The following PCDHA3 variants were observed in gnomAD, a reference collection of about 807,000 sequenced individuals.
PCDHA3 encodes protocadherin alpha 3.
Under a neutral mutation model 62.2 loss-of-function variants are expected in PCDHA3, and 41 were observed. That is an observed-to-expected ratio of 0.66 (90% CI 0.51 to 0.86). The LOEUF (loss-of-function observed/expected upper bound fraction) is 0.86. Among genes scored for constraint, PCDHA3 ranks in the 40% least tolerant of loss-of-function variants. PCDHA3 has a pLI of 0.00. For synonymous variants in PCDHA3, 640 were observed against 555.4 expected (o/e 1.15, Z -2.14); for missense variants, 1,304 against 1,241.2 (o/e 1.05, Z -0.76).
intron 1 of PCDHA3, chr5:140,853,156 G>A (rs2150528996): frequency 1.1e-6 from 1 of 904,258 alleles, no homozygotes; most frequent in South Asian, 5.0e-5. Context: ...TGGGATTACA[G>A]GCGTGAGCCA....
At chr5:140,914,016 G>A (rs1344982730) in intron 1 of PCDHA3, among the ~76,000 whole-genome samples, 2 of 152,140 alleles carry the variant, frequency 1.3e-5, no homozygotes, top group Non-Finnish European at 2.9e-5. Flanking sequence ...CTTTGAGAAT[G>A]ATCCACGTGC....
rs2150161995 is a variant in PCDHA3 at position 140,829,027 on chromosome 5, A to G, written c.2394+25436A>G. ...TTCGGGGTAATTTGGATTTTGAACA[A>G]GAAAACTTATACAAAATCCTCATTG... On this transcript the variant is annotated intron_variant, in intron 1 of 3. Transcript: ENST00000522353. The G allele has an allele frequency of 2.5e-6, 4 of 1,613,610 alleles. No homozygotes were observed. The South Asian group carries it at 4.4e-5, about 18-fold the overall frequency.
At chr5:140,830,118 C>T (rs2150181402) in intron 1 of PCDHA3, 27 of 1,613,530 alleles carry the variant, frequency 1.7e-5, no homozygotes, top group East Asian at 1.3e-4. Context: ...GGCCAGGCTC[C>T]AAAGGCGTCA....
At chr5:140,805,153 C>T in intron 1 of PCDHA3, 1 of 1,559,928 alleles carries the variant, frequency 6.4e-7, no homozygotes, top group Non-Finnish European at 8.6e-7. Context: ...TTGGAATTTT[C>T]ACTTCACAGA....
At chr5:140,853,548 C>T in intron 1 of PCDHA3, 1 of 978,800 alleles carries the variant, frequency 1.0e-6, no homozygotes. Flanking sequence ...GTTGTAATTA[C>T]TATATAGGAA....
At chr5:140,978,904 A>G (rs2096828000) in intron 1 of PCDHA3, 45 bp from the exon 2 acceptor site, 2 of 1,613,322 alleles carry the variant, frequency 1.2e-6, no homozygotes, top group Non-Finnish European at 8.5e-7. Flanking sequence ...CTGGGAGAAC[A>G]TTGTCTTGTC....
intron 3 of PCDHA3, among the ~76,000 whole-genome samples, chr5:140,984,683 T>A (rs1481664684): frequency 6.6e-6 from 1 of 152,200 alleles, no homozygotes; most frequent in East Asian, 1.9e-4. Flanking sequence ...GGACTCAATA[T>A]ATGTTCTGCA....
intron 1 of PCDHA3, among the ~76,000 whole-genome samples, chr5:140,972,725 G>A (rs985697414): frequency 2.7e-5 from 4 of 146,408 alleles, no homozygotes; most frequent in African/African-American, 7.7e-5. Context: ...GTGCAGTGGC[G>A]TAATCCCGGC....
At chr5:140,870,252 GGTGACCT>G in intron 1 of PCDHA3, 5 of 1,614,198 alleles carry the variant, frequency 3.1e-6, no homozygotes, top group Non-Finnish European at 4.2e-6. Context: ...TCAACGGACA[GGTGACCT>G]GCTCGCTGAC....
intron 1 of PCDHA3, chr5:140,835,881 G>C (rs2150247324): frequency 1.2e-6 from 2 of 1,612,004 alleles, no homozygotes; most frequent in South Asian, 2.2e-5. Flanking sequence ...GCTGCGGGTG[G>C]GCGAGCGCGC....
intron 3 of PCDHA3, 56 bp downstream of exon 3, chr5:140,982,619 C>G (rs561557496): frequency 7.5e-6 from 12 of 1,589,654 alleles, no homozygotes; most frequent in Middle Eastern, 3.4e-4. Context: ...GATCAGATGA[C>G]CTACTTTTGT....
At chr5:140,973,768 A>G (rs1408539146) in intron 1 of PCDHA3, among the ~76,000 whole-genome samples, 3 of 152,258 alleles carry the variant, frequency 2.0e-5, no homozygotes, top group African/African-American at 7.2e-5. Flanking sequence ...ACAGCCTGGC[A>G]TATTATAGGT....
At chr5:140,832,201 G>A (rs2150200141) in intron 1 of PCDHA3, among the ~76,000 whole-genome samples, 53 of 152,338 alleles carry the variant, frequency 3.5e-4, no homozygotes, top group African/African-American at 1.3e-3. Flanking sequence ...AACCTGCTGA[G>A]TCCTCAGTGA....
At position 140,884,402 on chromosome 5, in the gene PCDHA3, G is replaced by T. The variant is rs782512270; in HGVS notation, c.2394+80811G>T. 2.6e-5 allele frequency: 42 copies of T among 1,613,886 alleles called. 1 individual carries two copies. The Middle Eastern group carries it at 1.3e-3, about 51-fold the overall frequency. The stretch of plus-strand genomic sequence containing the variant: ...CATCTGCGCGGTGTCCAGCCTGTTG[G>T]TGCTCACGTTGCTGCTGTATACTGC... On this transcript the variant is annotated intron_variant, in intron 1 of 3. Coordinates refer to ENST00000522353, the MANE Select transcript of PCDHA3 (RefSeq NM_018906.3).
At chr5:140,824,096 G>A (rs2150132154) in intron 1 of PCDHA3, 2 of 1,614,190 alleles carry the variant, frequency 1.2e-6, no homozygotes, top group Admixed American at 1.7e-5. Context: ...TTCAGTCCAA[G>A]CCTTCCTCAG....
chr5:140,850,917 T>C, intron 1 of PCDHA3: 1 of 1,530,140 alleles, frequency 6.5e-7, no homozygotes. Flanking sequence ...TTTATTTATT[T>C]ATATAATTTT....
intron 1 of PCDHA3, among the ~76,000 whole-genome samples, chr5:140,837,757 A>G (rs1220991667): frequency 6.6e-6 from 1 of 151,692 alleles, no homozygotes; most frequent in Non-Finnish European, 1.5e-5. Flanking sequence ...GCCCACTGCA[A>G]CCTGAAAGTC....
intron 1 of PCDHA3, among the ~76,000 whole-genome samples, chr5:140,941,246 T>C (rs1332165821): frequency 7.1e-6 from 1 of 141,078 alleles, no homozygotes; most frequent in East Asian, 2.0e-4. Flanking sequence ...TTTCTTTCTT[T>C]CTTTCTTTCT....
chr5:140,848,775 G>A, intron 1 of PCDHA3: 1 of 1,593,566 alleles, frequency 6.3e-7, no homozygotes, highest in Non-Finnish European at 8.6e-7. Context: ...CGACCGCGAG[G>A]AGCTGTGCGG....
Sources: gnomAD v4.1 joint callset for allele counts (sites outside exome capture counted in the v4.1 genomes callset) on GRCh38, gnomAD v4.1.1 for gene constraint, MANE v1.5 for transcripts, NCBI Gene and HGNC (gene_info 2026-07-23, HGNC 2026-07-21) for gene names.